HERC2: variants seen among roughly 807,000 people sequenced by gnomAD.
HERC2 encodes HECT and RLD domain containing E3 ubiquitin protein ligase 2.
Under a neutral mutation model 537.7 loss-of-function variants are expected in HERC2, and 102 were observed. The observed-to-expected ratio is 0.19, with a 90% CI of 0.16 to 0.22. HERC2 has a LOEUF of 0.22. HERC2 is among the 10% of genes least tolerant of loss of function. The probability of loss-of-function intolerance (pLI) is 1.00; values close to 1 mark genes in which losing one functional copy is unlikely to be tolerated. For missense variants in HERC2, 4,236 were observed against 6,198.2 expected, an observed-to-expected ratio of 0.68 and a Z score of 10.63; for synonymous variants, 2,224 against 2,466.2, an observed-to-expected ratio of 0.90 and a Z score of 2.91.
intron 69 of HERC2, among the ~76,000 whole-genome samples, chr15:28,161,099 A>G (rs1235775629): frequency 2.6e-5 from 4 of 152,192 alleles, no homozygotes; most frequent in Non-Finnish European, 5.9e-5. Context: ...AAGCCCCTAA[A>G]ATATCTACCA....
At chr15:28,315,002 C>G (rs1299920073) in intron 2 of HERC2, among the ~76,000 whole-genome samples, 3 of 152,180 alleles carry the variant, frequency 2.0e-5, no homozygotes, top group Non-Finnish European at 4.4e-5. Flanking sequence ...CACGTACGGC[C>G]CACATAAACA....
At chr15:28,194,568 T>C (rs1897171547) in intron 52 of HERC2, among the ~76,000 whole-genome samples, 1 of 151,076 alleles carries the variant, frequency 6.6e-6, no homozygotes, top group African/African-American at 2.4e-5. Context: ...CGAGACTCCG[T>C]CTCAAAAAAA....
intron 23 of HERC2, among the ~76,000 whole-genome samples, chr15:28,239,434 T>TA (rs1902819350): frequency 6.6e-6 from 1 of 151,148 alleles, no homozygotes; most frequent in African/African-American, 2.4e-5. Flanking sequence ...GAAAAATAGT[T>TA]AAAGGGAGGT....
intron 2 of HERC2, among the ~76,000 whole-genome samples, chr15:28,307,728 T>C (rs1266794553): frequency 6.6e-6 from 1 of 152,224 alleles, no homozygotes; most frequent in Non-Finnish European, 1.5e-5. Context: ...TTTTTTAACT[T>C]TTATATGGCA....
chr15:28,182,709 T>C (rs1247824322), intron 56 of HERC2, among the ~76,000 whole-genome samples, 197 bp from the exon 57 acceptor site: 2 of 152,206 alleles, frequency 1.3e-5, no homozygotes, highest in Admixed American at 6.5e-5. Flanking sequence ...ATTTTCTAGA[T>C]ACAACCATGC....
chr15:28,214,515 A>T, intron 40 of HERC2, 140 bp downstream of exon 40: 1 of 1,141,798 alleles, frequency 8.8e-7, no homozygotes, highest in South Asian at 1.3e-5. Flanking sequence ...GGCACAGGGA[A>T]GGGAGACGGC....
At position 28,199,653 on chromosome 15, in the gene HERC2, T is replaced by C. The variant is rs1406831049; in HGVS notation, c.7717-884A>G. On this transcript the variant is annotated intron_variant, in intron 48 of 92. Coordinates refer to ENST00000261609, the MANE Select transcript of HERC2 (RefSeq NM_004667.6). ...ATGCCTACTGGAGCTATGAGATGGATAATTAATACAGAATGTCATCAAGGA... is the reference window on the plus strand; with the variant it reads ...ATGCCTACTGGAGCTATGAGATGGACAATTAATACAGAATGTCATCAAGGA... 3.9e-5 allele frequency among the ~76,000 whole-genome samples: 6 copies of C among 152,266 alleles called. No homozygotes were observed. In the South Asian group the frequency reaches 8.3e-4, roughly 21 times the overall value.
chr15:28,221,849 C>T (rs1428682883), intron 36 of HERC2, among the ~76,000 whole-genome samples, 179 bp downstream of exon 36: 1 of 151,992 alleles, frequency 6.6e-6, no homozygotes, highest in Non-Finnish European at 1.5e-5. Context: ...TGCTCAGATG[C>T]CCTACTTATG....
intron 42 of HERC2, 27 bp from the exon 43 acceptor site, chr15:28,212,610 G>A (rs1283186384): frequency 1.2e-6 from 2 of 1,607,058 alleles, no homozygotes; most frequent in Admixed American, 1.7e-5. Context: ...AGCTGTCAGA[G>A]TGTGGCCAAT....
intron 65 of HERC2, among the ~76,000 whole-genome samples, chr15:28,172,081 A>G (rs950080805): frequency 5.3e-5 from 8 of 152,050 alleles, no homozygotes; most frequent in African/African-American, 1.7e-4. Context: ...CTCAAAAAAA[A>G]AAAAAAAAAC....
At chr15:28,190,858 TTATTTAAACGGGG>T in intron 55 of HERC2, 94 bp downstream of exon 55, 1 of 735,934 alleles carries the variant, frequency 1.4e-6, no homozygotes, top group Non-Finnish European at 2.4e-6. Context: ...AAAGAACCAA[TTATTTAAACGGGG>T]AAAAACTGGG....
chr15:28,209,738 A>T (rs539206353), intron 44 of HERC2, among the ~76,000 whole-genome samples: 1 of 152,202 alleles, frequency 6.6e-6, no homozygotes, highest in South Asian at 2.1e-4. Flanking sequence ...AGCATTAGTG[A>T]ATTCTGGTAT....
Position 28,269,261 on chromosome 15 carries a change from T to C in HERC2, c.1433A>G (p.Asn478Ser). ...RNGRVYTQAY[N>S]SDTLAPQLVQ... ...CAGAACACTCACCAGCGTGTCACTA[T>C]TATAGGCCTGTGTGTACACGCGGCC... Residue 478 changes from asparagine (N) to serine (S), a missense_variant, in exon 11 of 93, where the codon AAT (asparagine) becomes AGT (serine). Physicochemically the swap from Asn to Ser is conservative, Grantham distance 46. Transcript: ENST00000261609. 6.2e-7 allele frequency: 1 copy of C among 1,613,640 alleles called. No individual in the cohort carries two copies. The highest frequency in any genetic ancestry group is 1.1e-5 in the South Asian group (1 of 90,912).
intron 20 of HERC2, among the ~76,000 whole-genome samples, chr15:28,250,992 A>T (rs1465829839): frequency 6.6e-6 from 1 of 152,200 alleles, no homozygotes; most frequent in Non-Finnish European, 1.5e-5. Flanking sequence ...TCTGCTGTAG[A>T]ACCAATGTCC....
intron 56 of HERC2, among the ~76,000 whole-genome samples, chr15:28,185,207 G>C (rs1433387878): frequency 6.7e-6 from 1 of 149,490 alleles, no homozygotes; most frequent in Non-Finnish European, 1.5e-5. Flanking sequence ...TTTATTACCA[G>C]AACTACTACC....
intron 83 of HERC2, among the ~76,000 whole-genome samples, chr15:28,128,947 CTT>C (rs1282108647): frequency 1.3e-5 from 2 of 152,312 alleles, no homozygotes; most frequent in East Asian, 3.9e-4. Flanking sequence ...AGCTCTCAGA[CTT>C]TGAAAATCTT....
At position 28,143,920 on chromosome 15, in the gene HERC2, T is replaced by G; in HGVS notation, c.11371A>C (p.Asn3791His). 2 of 1,614,072 alleles carry G rather than the reference T, an allele frequency of 1.2e-6. No individual in the cohort carries two copies. Among genetic ancestry groups the G allele is most frequent in the South Asian group, 2.2e-5 (2 of 91,086 alleles). The change falls in exon 74 of 93, where the codon AAC becomes CAC. Residue 3791 changes from asparagine (N) to histidine (H), a missense_variant. This residue lies in a region of HERC2 where 109 missense variants were observed against 133.5 expected (regional missense o/e 0.82). Coordinates refer to ENST00000261609, the MANE Select transcript of HERC2 (RefSeq NM_004667.6). Reference sequence around the variant, plus strand: ...TTTTCTCCAAGCAGCCTATTTATGTTAATTGACTGCCCAAATTCAGTTGTA... The same window carrying G: ...TTTTCTCCAAGCAGCCTATTTATGTGAATTGACTGCCCAAATTCAGTTGTA... Reference protein sequence around the residue: ...LLTTEFGQSININRLLGENDG... With the variant: ...LLTTEFGQSIHINRLLGENDG...
chr15:28,195,167 T>G (rs1338826408), intron 52 of HERC2, among the ~76,000 whole-genome samples: 1 of 152,162 alleles, frequency 6.6e-6, no homozygotes, highest in African/African-American at 2.4e-5. Flanking sequence ...ATACTAATAA[T>G]AGATTTAAAT....
chr15:28,236,479 T>C (rs1430990535), intron 26 of HERC2, among the ~76,000 whole-genome samples: 1 of 151,882 alleles, frequency 6.6e-6, no homozygotes, highest in African/African-American at 2.4e-5. Flanking sequence ...TTAGTAGACA[T>C]GGGGTTTCAC....
Sources: allele counts gnomAD v4.1 joint callset (sites outside exome capture counted in the v4.1 genomes callset), GRCh38; gene constraint gnomAD v4.1.1; regional missense constraint gnomAD v4.1.1; transcripts MANE v1.5; gene names NCBI Gene and HGNC (gene_info 2026-07-23, HGNC 2026-07-21).